Variants in ST18 observed in about 807,000 individuals in gnomAD.
ST18 encodes suppression of tumorigenicity 18 protein.
In ST18, 50 loss-of-function variants were observed where a neutral mutation model predicts 110.0. The ratio of observed to expected loss-of-function variants is 0.45; its 90% confidence interval spans 0.36 to 0.58. ST18 has a LOEUF of 0.58. ST18 is among the 20% of genes least tolerant of loss of function. The pLI is 0.00. For missense variants in ST18, 1,306 were observed against 1,280.1 expected (o/e 1.02, Z -0.31); for synonymous variants, 461 against 452.4 (o/e 1.02, Z -0.24).
intron 2 of ST18, chr8:52,408,005 T>G (rs1412702862): frequency 1.3e-5 from 2 of 152,226 alleles, no homozygotes; most frequent in Admixed American, 1.3e-4. Context: ...GAATTTTTTA[T>G]TTTTACTTTT....
chr8:52,199,710 G>C (rs2135412987), intron 8 of ST18: 2 of 152,290 alleles, frequency 1.3e-5, no homozygotes, highest in African/African-American at 4.8e-5. Context: ...AGAGAACTAT[G>C]CTTCATATGT....
At chr8:52,300,188 C>A (rs1321878229) in intron 2 of ST18, among the ~76,000 whole-genome samples, 1 of 152,150 alleles carries the variant, frequency 6.6e-6, no homozygotes, top group Non-Finnish European at 1.5e-5. Context: ...TAAGTTGGTT[C>A]TTCCACCATG....
intron 13 of ST18, among the ~76,000 whole-genome samples, chr8:52,162,276 A>G (rs966697089): frequency 1.3e-5 from 2 of 152,192 alleles, no homozygotes; most frequent in Middle Eastern, 3.2e-3. Context: ...AGGTGTGCAC[A>G]TTCTGCTTGT....
At chr8:52,272,694 C>T (rs1010845830) in intron 2 of ST18, among the ~76,000 whole-genome samples, 1 of 152,120 alleles carries the variant, frequency 6.6e-6, no homozygotes, top group African/African-American at 2.4e-5. Context: ...ATAGAACTAC[C>T]ATATGATCCA....
intron 2 of ST18, among the ~76,000 whole-genome samples, chr8:52,381,467 C>A (rs575251521): frequency 1.3e-5 from 2 of 152,272 alleles, no homozygotes; most frequent in South Asian, 4.1e-4. Context: ...ATCTCCAAGA[C>A]CTAACAAATA....
chr8:52,171,783 G>A lies in ST18; in HGVS notation c.1069+9C>T, dbSNP rs747246987. 4 of 1,603,468 alleles carry A rather than the reference G, an allele frequency of 2.5e-6. No individual in the cohort carries two copies. In the Admixed American group the frequency reaches 6.8e-5, roughly 27 times the overall value. ...TTATTCCTAAAATAAATGCAAAAAT[G>A]TGTCTTACGTTTATTGTTAAAGATT... is the stretch of plus-strand genomic sequence containing the variant. On this transcript the variant is annotated intron_variant, in intron 10 of 25. Coordinates refer to ENST00000689386, the MANE Select transcript of ST18 (RefSeq NM_001352837.2).
chr8:52,150,321 C>T (rs2058508806), intron 15 of ST18, among the ~76,000 whole-genome samples: 1 of 151,864 alleles, frequency 6.6e-6, no homozygotes, highest in Admixed American at 6.6e-5. Context: ...CACACATTTA[C>T]AAGTTTAGCT....
intron 2 of ST18, chr8:52,408,880 C>T (rs550353136): frequency 6.6e-6 from 1 of 152,300 alleles, no homozygotes; most frequent in East Asian, 1.9e-4. Context: ...ATATTTGATG[C>T]TTATTATGTG....
intron 2 of ST18, among the ~76,000 whole-genome samples, chr8:52,239,136 A>C (rs1001619831): frequency 6.6e-6 from 1 of 152,218 alleles, no homozygotes; most frequent in East Asian, 1.9e-4. Context: ...GCCCAGAATA[A>C]GCAAATCTAT....
At chr8:52,163,432 T>C (rs1296055554) in intron 13 of ST18, among the ~76,000 whole-genome samples, 1 of 152,234 alleles carries the variant, frequency 6.6e-6, no homozygotes, top group Non-Finnish European at 1.5e-5. Flanking sequence ...AGTATTTAGA[T>C]ATAAAATCTT....
intron 17 of ST18, among the ~76,000 whole-genome samples, chr8:52,140,606 A>C (rs1286550515): frequency 6.6e-6 from 1 of 151,400 alleles, no homozygotes; most frequent in Non-Finnish European, 1.5e-5. Context: ...AAATGGATGA[A>C]CTAAGAGGCC....
Position 52,113,954 on chromosome 8 carries a change from G to GTTTTTTTTTTTTTT in ST18, c.3004-630_3004-617dup, listed in dbSNP as rs1158213340. Among the ~76,000 whole-genome samples the GTTTTTTTTTTTTTT allele has an allele frequency of 2.2e-3, 102 of 45,442 alleles. 32 individuals are homozygous for GTTTTTTTTTTTTTT. The highest frequency in any genetic ancestry group is 3.2e-3 in the South Asian group (2 of 622). 29.8% of individuals were successfully genotyped at this position (45,442 alleles called of 152,430 possible). On this transcript the variant is annotated intron_variant, in intron 25 of 25. Coordinates refer to ENST00000689386, the MANE Select transcript of ST18 (RefSeq NM_001352837.2). ...CAAAGTTTAAATTTATTCATACCGT[G>GTTTTTTTTTTTTTT]TTTTTTTTTTTTTTTTTTTTTTTTT...
chr8:52,318,461 T>G (rs2096067597), intron 2 of ST18, among the ~76,000 whole-genome samples: 1 of 152,190 alleles, frequency 6.6e-6, no homozygotes, highest in African/African-American at 2.4e-5. Flanking sequence ...GAGTGTAAAT[T>G]GGTTCAACCA....
At chr8:52,144,321 C>T (rs2056417002) in intron 16 of ST18, among the ~76,000 whole-genome samples, 1 of 151,726 alleles carries the variant, frequency 6.6e-6, no homozygotes, top group Non-Finnish European at 1.5e-5. Flanking sequence ...TATTTTGAAT[C>T]GTTCAAAATA....
intron 8 of ST18, among the ~76,000 whole-genome samples, chr8:52,200,035 G>C (rs2077434477): frequency 6.6e-6 from 1 of 152,118 alleles, no homozygotes; most frequent in Admixed American, 6.5e-5. Flanking sequence ...ATGAGTTCCT[G>C]TGTCTCATTC....
chr8:52,164,893 A>T (rs1563796345), intron 12 of ST18, among the ~76,000 whole-genome samples: 1 of 152,234 alleles, frequency 6.6e-6, no homozygotes, highest in African/African-American at 2.4e-5. Flanking sequence ...GCAACTTCAA[A>T]TATAATATTT....
intron 23 of ST18, among the ~76,000 whole-genome samples, chr8:52,125,040 G>T (rs1036401401): frequency 2.0e-5 from 3 of 152,118 alleles, no homozygotes; most frequent in African/African-American, 7.2e-5. Flanking sequence ...CTCTGTCATT[G>T]TTTCTCAAAT....
chr8:52,268,722 G>A (rs1253035863), intron 2 of ST18, among the ~76,000 whole-genome samples: 4 of 152,316 alleles, frequency 2.6e-5, no homozygotes, highest in African/African-American at 9.6e-5. Context: ...GCATACAGCT[G>A]AAGAATACAA....
At chr8:52,125,068 G>C (rs2046476212) in intron 23 of ST18, among the ~76,000 whole-genome samples, 1 of 152,112 alleles carries the variant, frequency 6.6e-6, no homozygotes, top group African/African-American at 2.4e-5. Context: ...AACGATCTTT[G>C]ATGGAAAACA....
Sources: gnomAD v4.1 joint callset for allele counts (sites outside exome capture counted in the v4.1 genomes callset) on GRCh38, gnomAD v4.1.1 for gene constraint, MANE v1.5 for transcripts, NCBI Gene and HGNC (gene_info 2026-07-23, HGNC 2026-07-21) for gene names.